Variants in MAP4K5 observed in about 807,000 individuals in gnomAD.
MAP4K5 encodes the protein mitogen-activated protein kinase kinase kinase kinase 5, also known as MAPK/ERK kinase kinase kinase 5.
A neutral mutation model predicts 135.6 loss-of-function variants in MAP4K5; 82 were observed. The observed-to-expected ratio is 0.60, with a 90% CI of 0.51 to 0.73. The LOEUF (loss-of-function observed/expected upper bound fraction) is 0.73. Ranked by LOEUF, MAP4K5 falls within the 30% of genes least tolerant of loss-of-function variation. The probability of loss-of-function intolerance (pLI) is 0.00; values close to 1 mark genes in which losing one functional copy is unlikely to be tolerated. For missense variants in MAP4K5, 907 were observed against 1,010.9 expected (o/e 0.90, Z 1.39); for synonymous variants, 347 against 335.0 (o/e 1.04, Z -0.39).
intron 3 of MAP4K5, among the ~76,000 whole-genome samples, chr14:50,494,401 C>T (rs1459376547): frequency 6.6e-6 from 1 of 151,922 alleles, no homozygotes; most frequent in East Asian, 1.9e-4. Flanking sequence ...CTCCTGACCT[C>T]GTGATCCGCC....
At position 50,560,219 on chromosome 14, in the gene MAP4K5, A is replaced by T. The variant is rs747467422; in HGVS notation, c.-180+821T>A. 5 of 1,610,868 alleles carry T rather than the reference A, an allele frequency of 3.1e-6. No individual in the cohort carries two copies. The Admixed American group carries it at 8.4e-5, about 27-fold the overall frequency. ...AGCAACCTGCGGCCCCGGAGAAGGC[A>T]GCGAGCGCAGTGACAGCGCCTCACC... On this transcript the variant is annotated intron_variant, in intron 1 of 8. Transcript: ENST00000555216.
At chr14:50,545,093 C>A (rs1246917848) in intron 1 of MAP4K5, among the ~76,000 whole-genome samples, 1 of 152,078 alleles carries the variant, frequency 6.6e-6, no homozygotes, top group Non-Finnish European at 1.5e-5. Flanking sequence ...TTCTGAGAAC[C>A]CAAACATCAT....
intron 31 of MAP4K5, among the ~76,000 whole-genome samples, 156 bp downstream of exon 31, chr14:50,425,751 T>C (rs1459130279): frequency 1.3e-5 from 2 of 152,152 alleles, no homozygotes; most frequent in African/African-American, 2.4e-5. Context: ...GTGAACATAG[T>C]TGAAGGGAAA....
intron 2 of MAP4K5, among the ~76,000 whole-genome samples, chr14:50,527,122 C>A (rs931448425): frequency 1.3e-5 from 2 of 152,114 alleles, no homozygotes; most frequent in African/African-American, 4.8e-5. Context: ...GGGCAGATCA[C>A]GAGGTCAGGA....
At chr14:50,493,969 C>T (rs2037540047) in intron 3 of MAP4K5, among the ~76,000 whole-genome samples, 1 of 149,040 alleles carries the variant, frequency 6.7e-6, no homozygotes, top group South Asian at 2.1e-4. Context: ...GCCTGGGCGA[C>T]AGAGTGAGAA....
intron 14 of MAP4K5, 77 bp from the exon 15 acceptor site, chr14:50,448,909 A>C (rs1381566120): frequency 1.7e-6 from 1 of 593,994 alleles, no homozygotes; most frequent in African/African-American, 1.9e-5. Flanking sequence ...ACAAGTTTGT[A>C]TATGGGGTGG....
chr14:50,441,725 T>TA (rs1489814186), intron 21 of MAP4K5, among the ~76,000 whole-genome samples: 1 of 146,888 alleles, frequency 6.8e-6, no homozygotes, highest in Non-Finnish European at 1.5e-5. Context: ...ACTCTGTCTC[T>TA]AAAAAAAAAT....
At chr14:50,516,869 A>G (rs1208972414) in intron 2 of MAP4K5, among the ~76,000 whole-genome samples, 1 of 152,226 alleles carries the variant, frequency 6.6e-6, no homozygotes, top group Admixed American at 6.5e-5. Context: ...TCATTAATTT[A>G]TTCAATAAGT....
intron 1 of MAP4K5, among the ~76,000 whole-genome samples, chr14:50,544,360 T>TC (rs2038601835): frequency 6.6e-6 from 1 of 152,210 alleles, no homozygotes; most frequent in African/African-American, 2.4e-5. Flanking sequence ...AGTGGCTATG[T>TC]CCATCAGGGG....
At chr14:50,456,395 G>C in intron 14 of MAP4K5, 121 bp downstream of exon 14, 2 of 708,104 alleles carry the variant, frequency 2.8e-6, no homozygotes, top group South Asian at 1.7e-5. Context: ...TATTTTAAAA[G>C]TATTCTGATA....
Position 50,482,386 on chromosome 14 carries a change from G to A in MAP4K5, c.353C>T (p.Ala118Val). 1 of 1,531,892 alleles carries A rather than the reference G, an allele frequency of 6.5e-7. No individual in the cohort carries two copies. Among genetic ancestry groups the A allele is most frequent in the Non-Finnish European group, 8.8e-7 (1 of 1,141,160 alleles). The allele number at this position is 1,531,892 out of a possible 1,614,324, so 94.9% of individuals were successfully genotyped here. A position where few individuals can be genotyped will look rare whatever the true frequency, so the allele number is the denominator to read the frequency against. The change falls in exon 6 of 33, where the codon GCC becomes GTC. Residue 118 changes from alanine (A) to valine (V), a missense_variant. By Grantham distance (64) the Ala-to-Val change is moderately conservative (BLOSUM62 0). This residue lies in a region of MAP4K5 where 196 missense variants were observed against 189.3 expected (regional missense o/e 1.04). Coordinates refer to ENST00000682126, the MANE Select transcript of MAP4K5 (RefSeq NM_006575.6). ...VTGPLSELQI[A>V]YVCRETLQGL... ...CTGTAAGGTTTCTCTGCATACATAG[G>A]CTATTTGCAATTCTGATAATGGTCC... is the stretch of plus-strand genomic sequence containing the variant.
chr14:50,552,319 G>A (rs2038712614), intron 1 of MAP4K5, among the ~76,000 whole-genome samples: 1 of 152,148 alleles, frequency 6.6e-6, no homozygotes, highest in African/African-American at 2.4e-5. Flanking sequence ...CCAAGGAGGT[G>A]AGAGTTCTCT....
At chr14:50,445,930 A>G (rs887463112) in intron 17 of MAP4K5, 149 bp downstream of exon 17, 3 of 484,472 alleles carry the variant, frequency 6.2e-6, no homozygotes, top group African/African-American at 4.1e-5. Flanking sequence ...TTTACTATAT[A>G]TTTTACACCA....
At chr14:50,467,794 T>C (rs2036865916) in intron 10 of MAP4K5, among the ~76,000 whole-genome samples, 1 of 152,150 alleles carries the variant, frequency 6.6e-6, no homozygotes, top group Non-Finnish European at 1.5e-5. Context: ...TTTTAATATA[T>C]ATTATCTTTA....
Position 50,428,700 on chromosome 14 carries a change from G to A in MAP4K5, c.2288C>T (p.Ala763Val), listed in dbSNP as rs2035902574. Residue 763 changes from alanine to valine, a missense_variant, in exon 30 of 33, where the codon GCC becomes GTC. Around this residue, in one of 3 missense-constraint regions of MAP4K5, gnomAD observed 690 missense variants for 777.4 expected, o/e 0.89. Coordinates refer to ENST00000682126, the MANE Select transcript of MAP4K5 (RefSeq NM_006575.6). Reference protein sequence around the residue: ...QGKLKSSKKLASELSFDFRIE... With the variant: ...QGKLKSSKKLVSELSFDFRIE... ...GCGAAAATCAAAACTTAACTCAGAG[G>A]CCAGTTTCTTACTTGATTTTAATTT... The A allele has an allele frequency of 2.0e-6, 3 of 1,519,996 alleles. No homozygotes were observed. The East Asian group carries it at 7.2e-5, about 37-fold the overall frequency. The allele number at this position is 1,519,996 out of a possible 1,614,324, so 94.2% of individuals were successfully genotyped here.
In MAP4K5 at chr14:50,418,799, C is replaced by T. The variant is rs1310102229; in HGVS notation, c.*1220G>A. The T allele has an allele frequency of 6.6e-6, 1 of 152,192 alleles. No individual in the cohort carries two copies. 9.4% of individuals were successfully genotyped at this position (152,192 alleles called of 1,614,324 possible). Reference sequence around the variant, plus strand: ...TAACCCCTTGTTCATCATCTCAATGCTGTTCTCAATAAATGCATTAAGACA... The same window carrying T: ...TAACCCCTTGTTCATCATCTCAATGTTGTTCTCAATAAATGCATTAAGACA... On this transcript the variant is annotated 3_prime_UTR_variant, in exon 33 of 33. Transcript: ENST00000682126.
intron 13 of MAP4K5, among the ~76,000 whole-genome samples, chr14:50,462,411 G>C (rs1014272291): frequency 6.6e-6 from 1 of 152,110 alleles, no homozygotes; most frequent in African/African-American, 2.4e-5. Context: ...AACATAAAAA[G>C]AGACAGTGTT....
chr14:50,470,998 C>G (rs898134696), intron 9 of MAP4K5, among the ~76,000 whole-genome samples: 4 of 152,038 alleles, frequency 2.6e-5, no homozygotes, highest in African/African-American at 9.7e-5. Flanking sequence ...CTACCAATTT[C>G]TTTTCTTTTT....
chr14:50,551,465 A>G lies in MAP4K5; in HGVS notation c.-179-8881T>C, dbSNP rs111302297. Among the ~76,000 whole-genome samples the G allele has an allele frequency of 2.4e-3, 363 of 152,314 alleles. 1 individual carries two copies. The highest frequency in any genetic ancestry group is 8.0e-3 in the African/African-American group (334 of 41,578). ...AGACATTCAAAGAAGAATTGGTACC[A>G]ATTCTACTGAAACTATTTCAAAAGA... On this transcript the variant is annotated intron_variant, in intron 1 of 8. Transcript: ENST00000555216.
Sources: gnomAD v4.1 joint callset for allele counts (sites outside exome capture counted in the v4.1 genomes callset) on GRCh38, gnomAD v4.1.1 for gene constraint, gnomAD v4.1.1 regional missense constraint, MANE v1.5 for transcripts, NCBI Gene and HGNC (gene_info 2026-07-23, HGNC 2026-07-21) for gene names.